Variants in SNAPC4 observed in about 807,000 individuals in gnomAD.
The protein encoded by SNAPC4 is snRNA-activating protein complex subunit 4.
SNAPC4 carries 127 observed loss-of-function variants against 151.3 expected under a neutral mutation model. The ratio of observed to expected loss-of-function variants is 0.84; its 90% CI spans 0.73 to 0.97. The LOEUF is 0.97. Ranked by LOEUF, SNAPC4 falls within the 50% of genes least tolerant of loss-of-function variation. The pLI is 0.00. For missense variants in SNAPC4, 2,186 were observed against 1,935.0 expected (o/e 1.13, Z -2.43); for synonymous variants, 1,002 against 824.4 (o/e 1.22, Z -3.69).
Position 136,384,818 on chromosome 9 carries a change from AACGTGACATGAAAAGC to A in SNAPC4, c.1326-20_1326-5del. On this transcript the variant is annotated splice_region_variant and splice_polypyrimidine_tract_variant and intron_variant, in intron 13 of 23. Coordinates refer to ENST00000684778, the MANE Select transcript of SNAPC4 (RefSeq NM_003086.4). ...GAAATGTAATCTCCTGAGATACCTG[AACGTGACATGAAAAGC>A]AAAGAACGTTTTAGATGCCGAGACG... 6.5e-7 allele frequency: 1 copy of A among 1,549,658 alleles called. No individual in the cohort carries two copies. The highest frequency in any genetic ancestry group is 1.4e-5 in the African/African-American group (1 of 72,722).
intron 2 of SNAPC4, among the ~76,000 whole-genome samples, chr9:136,397,404 A>C (rs1463692070): frequency 1.3e-5 from 2 of 151,244 alleles, no homozygotes; most frequent in Non-Finnish European, 2.9e-5. Flanking sequence ...CCACAGGAGA[A>C]AGATAGCAGG....
intron 21 of SNAPC4, among the ~76,000 whole-genome samples, chr9:136,379,555 C>T (rs1833612379): frequency 6.6e-6 from 1 of 152,240 alleles, no homozygotes; most frequent in Non-Finnish European, 1.5e-5. Context: ...GCCGGCAGCC[C>T]AGCTTGCCGG....
chr9:136,388,040 G>A (rs1229611501), intron 11 of SNAPC4, among the ~76,000 whole-genome samples, 192 bp from the exon 12 acceptor site: 1 of 152,178 alleles, frequency 6.6e-6, no homozygotes, highest in African/African-American at 2.4e-5. Context: ...GGCAGAGGCT[G>A]GCGGATCACC....
At position 136,379,316 on chromosome 9, in the gene SNAPC4, C is replaced by T. The variant is rs747439775; in HGVS notation, c.2528-17G>A. 2.2e-5 allele frequency: 35 copies of T among 1,611,834 alleles called. No individual in the cohort carries two copies. Among genetic ancestry groups the T allele is most frequent in the Middle Eastern group, 3.4e-4 (2 of 5,968 alleles). Reference sequence around the variant, plus strand: ...AGAGGTGGCCTGTGGGGAGGAAAGACCCACACTTGATAAGCCCCAGGCATC... The same window carrying T: ...AGAGGTGGCCTGTGGGGAGGAAAGATCCACACTTGATAAGCCCCAGGCATC... On this transcript the variant is annotated splice_polypyrimidine_tract_variant and intron_variant, in intron 21 of 23. Coordinates refer to ENST00000684778, the MANE Select transcript of SNAPC4 (RefSeq NM_003086.4).
In SNAPC4 at chr9:136,394,258, T is replaced by C; in HGVS notation, c.623A>G (p.Lys208Arg). Residue 208 changes from lysine (K) to arginine (R), a missense_variant, in exon 7 of 24, where the codon AAG (lysine) becomes AGG (arginine). Physicochemically the swap from Lys to Arg is conservative, Grantham distance 26 (BLOSUM62 2). Transcript: ENST00000684778. ...ATGGTTTTAGACTTACTTCAGTAAC[T>C]TGGGCTGAAGCAATCGCTGCAGGCG... ...SDRLQRLLQP[K>R]LLKLEYLHQK... is the part of the protein sequence containing the mutation. The C allele has an allele frequency of 6.2e-7, 1 of 1,613,032 alleles. No homozygotes were observed. The highest frequency in any genetic ancestry group is 8.5e-7 in the Non-Finnish European group (1 of 1,179,136).
chr9:136,394,950 G>T, intron 5 of SNAPC4, 72 bp from the exon 6 acceptor site: 4 of 1,407,230 alleles, frequency 2.8e-6, no homozygotes, highest in Non-Finnish European at 4.0e-6. Context: ...CATCCCTCCA[G>T]AGCCCACAAA....
Position 136,383,121 on chromosome 9 carries a change from C to A in SNAPC4, c.1983+65G>T. ...CCCCTGCTGCTGCACTATCCCCAAG[C>A]GTCAGCCCTGGCGAGCGAGTGCCGA... On this transcript the variant is annotated intron_variant, in intron 16 of 23. Coordinates refer to ENST00000684778, the MANE Select transcript of SNAPC4 (RefSeq NM_003086.4). The surrounding 1 kb of genome is among the most constrained non-coding windows in gnomAD (Gnocchi z 4.2). 1.3e-6 allele frequency: 2 copies of A among 1,498,128 alleles called. No homozygotes were observed. Among genetic ancestry groups the A allele is most frequent in the Non-Finnish European group, 8.9e-7 (1 of 1,127,184 alleles). 92.8% of individuals were successfully genotyped at this position (1,498,128 alleles called of 1,614,324 possible).
Position 136,377,706 on chromosome 9 carries a change from A to G in SNAPC4, c.4121T>C (p.Leu1374Pro). Residue 1374 changes from leucine (L) to proline (P), a missense_variant, in exon 22 of 24, where the codon CTC (leucine) becomes CCC (proline). Coordinates refer to ENST00000684778, the MANE Select transcript of SNAPC4 (RefSeq NM_003086.4). ...LRARFLAAFT[L>P]PALLATLAPQ... The stretch of plus-strand genomic sequence containing the variant: ...GGCCAGGGTGGCCAGGAGCGCAGGG[A>G]GGGTGAAGGCTGCCAGGAACCGCGC... The G allele has an allele frequency of 3.1e-6, 5 of 1,609,028 alleles. No individual in the cohort carries two copies. In the South Asian group the frequency reaches 5.5e-5, roughly 18 times the overall value.
rs771473207 is a variant in SNAPC4 at position 136,378,631 on chromosome 9, G to A, written c.3196C>T (p.Pro1066Ser). ...QPLSLTHIGGPHVATSVPLPV... is the reference protein window; with the variant it reads ...QPLSLTHIGGSHVATSVPLPV... ...AGGGGGACACTGGTCGCCACATGTG[G>A]CCCTCCTATGTGCGTCAGGCTGAGG... The change falls in exon 22 of 24, where the codon CCA (proline) becomes TCA (serine). Residue 1066 changes from proline to serine, a missense_variant. By Grantham distance (74) the Pro-to-Ser change is moderately conservative (BLOSUM62 -1). Transcript: ENST00000684778. 1.5e-5 allele frequency: 23 copies of A among 1,554,142 alleles called. No individual in the cohort carries two copies. The Admixed American group carries it at 2.1e-4, about 14-fold the overall frequency.
chr9:136,388,761 C>G lies in SNAPC4; in HGVS notation c.976-170G>C, dbSNP rs529641210. On this transcript the variant is annotated intron_variant, in intron 10 of 23. Coordinates refer to ENST00000684778, the MANE Select transcript of SNAPC4 (RefSeq NM_003086.4). The stretch of plus-strand genomic sequence containing the variant: ...CTGTGGGCTGATGGAGAGCACCCCA[C>G]GGTAGGAAGACAATACACTCACTAA... 4.6e-5 allele frequency among the ~76,000 whole-genome samples: 7 copies of G among 152,314 alleles called. No homozygotes were observed. In the East Asian group the frequency reaches 1.4e-3, roughly 29 times the overall value.
Position 136,378,310 on chromosome 9 carries a change from A to G in SNAPC4, c.3517T>C (p.Phe1173Leu), listed in dbSNP as rs1461666919. 1 of 1,604,004 alleles carries G rather than the reference A, an allele frequency of 6.2e-7. No individual in the cohort carries two copies. Among genetic ancestry groups the G allele is most frequent in the African/African-American group, 1.3e-5 (1 of 74,840 alleles). Residue 1173 changes from phenylalanine to leucine, a missense_variant, in exon 22 of 24, where the codon TTT (phenylalanine) becomes CTT (leucine). By Grantham distance (22) the Phe-to-Leu change is conservative (BLOSUM62 0). Transcript: ENST00000684778. ...SPAEADGSVA[F>L]VPGEAQVARE... is the part of the protein sequence containing the mutation. Reference sequence around the variant, plus strand: ...GCCACCTGGGCCTCTCCAGGGACAAAGGCCACACTGCCATCCGCTTCTGCA... The same window carrying G: ...GCCACCTGGGCCTCTCCAGGGACAAGGGCCACACTGCCATCCGCTTCTGCA...
chr9:136,377,850 T>C lies in SNAPC4; in HGVS notation c.3977A>G (p.His1326Arg). The change falls in exon 22 of 24, where the codon CAC becomes CGC. Residue 1326 changes from histidine to arginine, a missense_variant. Transcript: ENST00000684778. ...CCCCACCACCAGGGAGGTGGCCTTG[T>C]GCTCCAGGGCCTTCTTGTGGAGTAG... The part of the protein sequence containing the change: ...GLLLHKKALE[H>R]KATSLVVGGE... 1 of 1,611,544 alleles carries C rather than the reference T, an allele frequency of 6.2e-7. No homozygotes were observed. The highest frequency in any genetic ancestry group is 8.5e-7 in the Non-Finnish European group (1 of 1,179,812).
rs200142063 is a variant in SNAPC4, at chr9:136,383,641, G to C, written c.1528C>G (p.Arg510Gly). The C allele has an allele frequency of 2.4e-5, 38 of 1,608,850 alleles. No homozygotes were observed. Among genetic ancestry groups the C allele is most frequent in the Non-Finnish European group, 3.0e-5 (35 of 1,177,454 alleles). Reference sequence around the variant, plus strand: ...CACCGGACGCTGTGACGGGCCCTCCGCCGCCGCCTCCGGAGACCCTGCTTC... The same window carrying C: ...CACCGGACGCTGTGACGGGCCCTCCCCCGCCGCCTCCGGAGACCCTGCTTC... ...GKKQGLRRRR[R>G]RARHSVRWSS... is the part of the protein sequence containing the mutation. Residue 510 changes from arginine to glycine, a missense_variant, in exon 16 of 24, where the codon CGG becomes GGG. By Grantham distance (125) the Arg-to-Gly change is moderately radical. Transcript: ENST00000684778. This position sits in a 1 kb window ranked among gnomAD's most constrained non-coding sequence, Gnocchi z 4.2.
chr9:136,386,028 C>G (rs1397606361), intron 13 of SNAPC4, among the ~76,000 whole-genome samples: 1 of 152,094 alleles, frequency 6.6e-6, no homozygotes, highest in Non-Finnish European at 1.5e-5. Flanking sequence ...GCTTATCAAT[C>G]TTGGGGGTAT....
chr9:136,378,280 C>T lies in SNAPC4; in HGVS notation c.3547G>A (p.Glu1183Lys). 1 of 1,605,618 alleles carries T rather than the reference C, an allele frequency of 6.2e-7. No homozygotes were observed. The highest frequency in any genetic ancestry group is 8.5e-7 in the Non-Finnish European group (1 of 1,176,734). ...GAGGACGTCCTGGGCTCAGGTATCT[C>T]CCTGGCCACCTGGGCCTCTCCAGGG... ...FVPGEAQVAR[E>K]IPEPRTSSHA... The change falls in exon 22 of 24, where the codon GAG becomes AAG. Residue 1183 changes from glutamate to lysine, a missense_variant. Physicochemically the swap from Glu to Lys is moderately conservative, Grantham distance 56 (BLOSUM62 1). Transcript: ENST00000684778.
At chr9:136,380,213 G>T (rs941972057) in intron 20 of SNAPC4, among the ~76,000 whole-genome samples, 6 of 151,752 alleles carry the variant, frequency 4.0e-5, no homozygotes, top group African/African-American at 1.5e-4. Flanking sequence ...GCCTGGCCTT[G>T]TTCCCCCTGC....
At chr9:136,391,900 C>T in intron 10 of SNAPC4, 42 bp downstream of exon 10, 1 of 1,586,416 alleles carries the variant, frequency 6.3e-7, no homozygotes, top group Non-Finnish European at 8.5e-7. Flanking sequence ...GCCCACACGC[C>T]CTCAGGTCTC....
chr9:136,394,382 C>A (rs766017787), intron 6 of SNAPC4, 52 bp from the exon 7 acceptor site: 167 of 1,510,636 alleles, frequency 1.1e-4, no homozygotes, highest in South Asian at 2.0e-4. Flanking sequence ...TCTCCACGGC[C>A]CAGCCCCCAC....
At chr9:136,389,309 T>TG (rs1339006247) in intron 10 of SNAPC4, among the ~76,000 whole-genome samples, 3 of 151,904 alleles carry the variant, frequency 2.0e-5, no homozygotes, top group African/African-American at 7.3e-5. Context: ...CTCTGAGGTT[T>TG]GCTTTTTCTG....
Sources: gnomAD v4.1 joint callset for allele counts (sites outside exome capture counted in the v4.1 genomes callset) on GRCh38, gnomAD v4.1.1 for gene constraint, Gnocchi (gnomAD v3.1) non-coding constraint, MANE v1.5 for transcripts, NCBI Gene and HGNC (gene_info 2026-07-23, HGNC 2026-07-21) for gene names.